Variants in MAF observed in about 807,000 individuals in gnomAD.
The protein encoded by MAF is transcription factor Maf.
Under a neutral mutation model 22.0 loss-of-function variants are expected in MAF, and 10 were observed. The ratio of observed to expected loss-of-function variants is 0.45; its 90% CI spans 0.28 to 0.77. MAF has a LOEUF of 0.77. Among genes scored for constraint, MAF ranks in the 30% least tolerant of loss-of-function variants. The pLI, the probability that MAF is intolerant of heterozygous loss-of-function variation, is 0.12. For missense variants in MAF, 544 were observed against 548.4 expected, an observed-to-expected ratio of 0.99 and a Z score of 0.08; for synonymous variants, 337 against 255.8, an observed-to-expected ratio of 1.32 and a Z score of -3.03.
chr16:79,254,847 T>C, the MAF span, among the ~76,000 whole-genome samples: 284 of 152,340 alleles, frequency 1.9e-3, 4 homozygotes, highest in African/African-American at 6.1e-3. Context: ...AGCTCAACCA[T>C]TGATCATTTT....
At chr16:79,468,649 G>A in the MAF span, among the ~76,000 whole-genome samples, 1 of 152,198 alleles carries the variant, frequency 6.6e-6, no homozygotes, top group Non-Finnish European at 1.5e-5. Context: ...TTGGCATTGA[G>A]GGGCAGTCAG....
the MAF span, among the ~76,000 whole-genome samples, chr16:79,221,405 C>G: frequency 7.2e-5 from 11 of 152,240 alleles, no homozygotes; most frequent in East Asian, 2.1e-3. Context: ...GTAAATCACT[C>G]TATGTGTTCC....
At chr16:79,248,067 C>G in the MAF span, among the ~76,000 whole-genome samples, 1 of 152,048 alleles carries the variant, frequency 6.6e-6, no homozygotes, top group East Asian at 1.9e-4. Flanking sequence ...CTTAATAAAC[C>G]TCAGAGAAGG....
the MAF span, chr16:79,211,983 T>TATCA: frequency 6.5e-7 from 1 of 1,536,132 alleles, no homozygotes; most frequent in South Asian, 1.2e-5. Flanking sequence ...TGGGGTAAAG[T>TATCA]ATCACTTTTC....
chr16:79,543,900 A>G, the MAF span, among the ~76,000 whole-genome samples: 1 of 151,572 alleles, frequency 6.6e-6, no homozygotes, highest in African/African-American at 2.4e-5. Context: ...TTTAGCCAAG[A>G]TGGTCTCCAT....
chr16:79,468,767 G>C, the MAF span, among the ~76,000 whole-genome samples: 5 of 152,072 alleles, frequency 3.3e-5, no homozygotes, highest in African/African-American at 1.2e-4. Flanking sequence ...TAATCCAGGG[G>C]GCAGAAAAGA....
the MAF span, among the ~76,000 whole-genome samples, chr16:79,432,099 G>T: frequency 6.6e-6 from 1 of 152,186 alleles, no homozygotes; most frequent in Non-Finnish European, 1.5e-5. Flanking sequence ...GCGGGACTAG[G>T]TGGAGGTAAA....
At chr16:79,455,976 C>T in the MAF span, among the ~76,000 whole-genome samples, 1 of 152,178 alleles carries the variant, frequency 6.6e-6, no homozygotes, top group East Asian at 1.9e-4. Context: ...CAAGATCTTG[C>T]CACTGCACTC....
chr16:79,216,257 G>A, the MAF span, among the ~76,000 whole-genome samples: 1 of 152,118 alleles, frequency 6.6e-6, no homozygotes, highest in Non-Finnish European at 1.5e-5. Context: ...ATGTATGCAT[G>A]CACAAATATG....
the MAF span, among the ~76,000 whole-genome samples, chr16:79,328,291 A>T: frequency 1.1e-3 from 159 of 140,908 alleles, 1 homozygote; most frequent in African/African-American, 3.4e-3. Context: ...CTTTTTTTTT[A>T]AAAAAAGAAA....
chr16:79,364,454 G>A, the MAF span, among the ~76,000 whole-genome samples: 1 of 152,184 alleles, frequency 6.6e-6, no homozygotes, highest in African/African-American at 2.4e-5. Flanking sequence ...GGGTGGCAGT[G>A]TCATCCACTG....
At chr16:79,543,721 C>T in the MAF span, among the ~76,000 whole-genome samples, 3 of 139,936 alleles carry the variant, frequency 2.1e-5, no homozygotes, top group East Asian at 2.1e-4. Context: ...GAGTCTCGCT[C>T]TGTCGCCCAG....
the MAF span, among the ~76,000 whole-genome samples, chr16:79,524,390 T>A: frequency 6.6e-6 from 1 of 152,218 alleles, no homozygotes; most frequent in Non-Finnish European, 1.5e-5. Flanking sequence ...GGGATTTATT[T>A]GCAACTGGCA....
chr16:79,514,648 C>G, the MAF span, among the ~76,000 whole-genome samples: 1 of 152,162 alleles, frequency 6.6e-6, no homozygotes, highest in Non-Finnish European at 1.5e-5. Flanking sequence ...AGATCTATAA[C>G]TCCTATGGAT....
the MAF span, among the ~76,000 whole-genome samples, chr16:79,397,950 C>T: frequency 6.6e-6 from 1 of 152,176 alleles, no homozygotes; most frequent in African/African-American, 2.4e-5. Flanking sequence ...GATAAATTAC[C>T]ATGAAGGTAG....
At chr16:79,454,964 C>T in the MAF span, among the ~76,000 whole-genome samples, 1 of 151,780 alleles carries the variant, frequency 6.6e-6, no homozygotes. Context: ...TGCATGGTGG[C>T]ACGTGCCTGT....
chr16:79,426,231 T>C, the MAF span, among the ~76,000 whole-genome samples: 6 of 151,436 alleles, frequency 4.0e-5, no homozygotes, highest in East Asian at 1.2e-3. Flanking sequence ...AATTAACATC[T>C]TCACTGAGGT....
the MAF span, among the ~76,000 whole-genome samples, chr16:79,303,889 T>A: frequency 3.3e-4 from 50 of 152,314 alleles, no homozygotes; most frequent in East Asian, 9.6e-3. Context: ...AATCAACTTA[T>A]GTCATGTCAA....
At chr16:79,493,602 T>C in the MAF span, among the ~76,000 whole-genome samples, 1 of 152,216 alleles carries the variant, frequency 6.6e-6, no homozygotes, top group Non-Finnish European at 1.5e-5. Flanking sequence ...CATGAGCCAC[T>C]GTGCCCAGTC....
Sources: allele counts gnomAD v4.1 joint callset (sites outside exome capture counted in the v4.1 genomes callset), GRCh38; gene constraint gnomAD v4.1.1; transcripts MANE v1.5; gene names NCBI Gene and HGNC (gene_info 2026-07-23, HGNC 2026-07-21).